NBEAL1: variants seen among roughly 807,000 people sequenced by gnomAD.
NBEAL1 encodes neurobeachin-like protein 1.
Under a neutral mutation model 351.3 loss-of-function variants are expected in NBEAL1, and 273 were observed. The ratio of observed to expected loss-of-function variants is 0.78; its 90% CI spans 0.70 to 0.86. NBEAL1 has a LOEUF of 0.86. Among genes scored for constraint, NBEAL1 ranks in the 40% least tolerant of loss-of-function variants. The pLI, the probability that NBEAL1 is intolerant of heterozygous loss-of-function variation, is 0.00. For synonymous variants in NBEAL1, 1,050 were observed against 1,086.4 expected (o/e 0.97, Z 0.66); for missense variants, 2,961 against 3,201.3 (o/e 0.92, Z 1.81).
chr2:203,113,049 A>G lies in NBEAL1; in HGVS notation c.2237A>G (p.Gln746Arg). 1 of 1,522,814 alleles carries G rather than the reference A, an allele frequency of 6.6e-7. No individual in the cohort carries two copies. 94.3% of individuals were successfully genotyped at this position (1,522,814 alleles called of 1,614,324 possible). Reference protein sequence around the residue: ...FTSCCIGSAGQRTTTPPPSQI... With the variant: ...FTSCCIGSAGRRTTTPPPSQI... ...TCCTGTTGCATTGGTTCAGCTGGGC[A>G]AAGAACCACCACTCCTCCACCATCC... The change falls in exon 17 of 56, where the codon CAA (glutamine) becomes CGA (arginine). Residue 746 changes from glutamine to arginine, a missense_variant. Physicochemically the swap from Gln to Arg is conservative, Grantham distance 43 (BLOSUM62 1). Transcript: ENST00000683969.
chr2:203,144,869 T>C lies in NBEAL1; in HGVS notation c.5118T>C (p.Cys1706=), dbSNP rs767061659. ...SSFFEDFQEY[C]NSNEWQVYIE... is the part of the protein sequence containing the mutation. ...TTTTTGAAGATTTTCAAGAATATTG[T>C]AATTCAAATGAATGGCAAGTTTACA... The change falls in exon 32 of 56, where the codon TGT becomes TGC. Residue 1706 remains cysteine (C), a synonymous_variant. Transcript: ENST00000683969. 14 of 1,604,452 alleles carry C rather than the reference T, an allele frequency of 8.7e-6. No homozygotes were observed. The highest frequency in any genetic ancestry group is 1.3e-5 in the African/African-American group (1 of 74,448).
intron 6 of NBEAL1, among the ~76,000 whole-genome samples, chr2:203,059,740 C>T (rs1006054271): frequency 1.3e-5 from 2 of 152,134 alleles, no homozygotes; most frequent in African/African-American, 2.4e-5. Context: ...AAGAGGGAGC[C>T]GGATGTGATG....
intron 2 of NBEAL1, among the ~76,000 whole-genome samples, chr2:203,026,504 A>T (rs1574861748): frequency 6.7e-6 from 1 of 149,956 alleles, no homozygotes; most frequent in Non-Finnish European, 1.5e-5. Context: ...TTGCCATTTT[A>T]AATTTTTTTT....
At chr2:203,108,796 C>T (rs2062497556) in intron 14 of NBEAL1, among the ~76,000 whole-genome samples, 2 of 152,140 alleles carry the variant, frequency 1.3e-5, no homozygotes. Context: ...CTTGTAATCC[C>T]ACCACTTTAG....
intron 1 of NBEAL1, 87 bp downstream of exon 1, chr2:203,015,069 G>A (rs2060653918): frequency 6.5e-6 from 1 of 152,844 alleles, no homozygotes; most frequent in Admixed American, 6.5e-5. Flanking sequence ...GTGGTGGAGG[G>A]GCTGCAGAGT....
Position 203,151,582 on chromosome 2 carries a change from T to G in NBEAL1, c.5580T>G (p.Asp1860Glu), listed in dbSNP as rs201891714. ...ATGAGGAAGCTAGTGCCTTGAGAGA[T>G]AATCTGGGTGAGTTCCAATGACTGT... ...KTHEEASALR[D>E]NLGIQHSQPS... Residue 1860 changes from aspartate (D) to glutamate (E), a missense_variant, in exon 35 of 56, where the codon GAT (aspartate) becomes GAG (glutamate). Transcript: ENST00000683969. 7 of 1,601,710 alleles carry G rather than the reference T, an allele frequency of 4.4e-6. No individual in the cohort carries two copies. Among genetic ancestry groups the G allele is most frequent in the Admixed American group, 3.5e-5 (2 of 56,766 alleles).
intron 6 of NBEAL1, among the ~76,000 whole-genome samples, chr2:203,059,788 GTGGGAGGACTGATTGAGCCCAATAGT>G (rs565636613): frequency 3.3e-5 from 5 of 152,224 alleles, no homozygotes; most frequent in Non-Finnish European, 7.3e-5. Flanking sequence ...GGATGCCGAG[GTGGGAGGACTGATTGAGCCCAATAGT>G]TCAAGGCTTC....
At position 203,220,912 on chromosome 2, in the gene NBEAL1, C is replaced by T. The variant is rs12693982; in HGVS notation, c.*3558C>T. Reference sequence around the variant, plus strand: ...TTGTTTAGGTCACAGTGCAGTGCATCCTTTTGTAGAAGAAAAAATACCAAG... The same window carrying T: ...TTGTTTAGGTCACAGTGCAGTGCATTCTTTTGTAGAAGAAAAAATACCAAG... On this transcript the variant is annotated 3_prime_UTR_variant, in exon 56 of 56. Coordinates refer to ENST00000683969, the MANE Select transcript of NBEAL1 (RefSeq NM_001378026.1). 0.39 allele frequency among the ~76,000 whole-genome samples: 58,970 copies of T among 151,946 alleles called. 12,068 individuals are homozygous for T. Among genetic ancestry groups the T allele is most frequent in the East Asian group, 0.62 (3,221 of 5,168 alleles).
rs955742323 is a variant in NBEAL1 at position 203,107,485 on chromosome 2, A to G, written c.1335A>G (p.Pro445=). The part of the protein sequence containing the change: ...MLEVLKSLGQ[P]PLELLKELMN... ...AAGTATTAAAATCCCTGGGTCAGCC[A>G]CCACTGGAATTACTTAAAGAACTTA... Residue 445 remains proline, a synonymous_variant, in exon 13 of 56, where the codon CCA becomes CCG. Transcript: ENST00000683969. 6.4e-7 allele frequency: 1 copy of G among 1,551,430 alleles called. No individual in the cohort carries two copies.
intron 3 of NBEAL1, among the ~76,000 whole-genome samples, chr2:203,047,680 A>G (rs953681874): frequency 3.3e-5 from 5 of 151,758 alleles, no homozygotes; most frequent in African/African-American, 1.2e-4. Flanking sequence ...TGGTGTAAAA[A>G]TCTCTTTGAA....
In NBEAL1 at chr2:203,168,011, C is replaced by G. The variant is rs148160767; in HGVS notation, c.5997+651C>G. On this transcript the variant is annotated intron_variant, in intron 38 of 55. Transcript: ENST00000683969. ...TTCAGAAGACTCACATTAGCACACA[C>G]AATAACTAATTTTCCATTCTTCTGT... 2.3e-3 allele frequency among the ~76,000 whole-genome samples: 352 copies of G among 152,332 alleles called. 1 individual carries two copies. The highest frequency in any genetic ancestry group is 7.9e-3 in the African/African-American group (327 of 41,576).
chr2:203,079,377 T>C (rs549500835), intron 8 of NBEAL1, among the ~76,000 whole-genome samples: 14 of 152,216 alleles, frequency 9.2e-5, no homozygotes, highest in Non-Finnish European at 1.5e-4. Flanking sequence ...TCACTGTGCC[T>C]AGCCAACAAA....
intron 12 of NBEAL1, among the ~76,000 whole-genome samples, chr2:203,102,737 A>C (rs759900380): frequency 9.9e-5 from 15 of 152,168 alleles, no homozygotes; most frequent in Non-Finnish European, 1.9e-4. Context: ...TTTTGCATCT[A>C]TGTTTATCAA....
intron 15 of NBEAL1, 60 bp from the exon 16 acceptor site, chr2:203,111,919 T>G: frequency 6.7e-7 from 1 of 1,503,328 alleles, no homozygotes; most frequent in East Asian, 2.5e-5. Context: ...TCTGAAAGCA[T>G]TTGTCATTCC....
At chr2:203,202,655 C>A in intron 50 of NBEAL1, 32 bp from the exon 51 acceptor site, 1 of 1,211,844 alleles carries the variant, frequency 8.3e-7, no homozygotes, top group Non-Finnish European at 1.2e-6. Flanking sequence ...CAAAACGAGG[C>A]ATCTCATTTT....
chr2:203,164,206 T>C (rs1052603332), intron 36 of NBEAL1, among the ~76,000 whole-genome samples: 1 of 151,890 alleles, frequency 6.6e-6, no homozygotes, highest in African/African-American at 2.4e-5. Context: ...AAAAAAAGAT[T>C]GCACCACTGC....
In NBEAL1 at chr2:203,125,460, C is replaced by T. The variant is rs750696586; in HGVS notation, c.2791C>T (p.Pro931Ser). 1.9e-6 allele frequency: 3 copies of T among 1,546,130 alleles called. No homozygotes were observed. The South Asian group carries it at 3.6e-5, about 19-fold the overall frequency. Residue 931 changes from proline (P) to serine (S), a missense_variant, in exon 20 of 56, where the codon CCT (proline) becomes TCT (serine). Transcript: ENST00000683969. ...IPEEKNESTV[P>S]ESVTPVEGDW... The stretch of plus-strand genomic sequence containing the variant: ...TGAAGAAAAGAATGAAAGCACAGTT[C>T]CTGAATCAGTAACACCTGTTGAAGG...
At chr2:203,017,665 G>A (rs552021687) in intron 2 of NBEAL1, among the ~76,000 whole-genome samples, 2 of 152,000 alleles carry the variant, frequency 1.3e-5, no homozygotes, top group South Asian at 4.1e-4. Flanking sequence ...AAACTTACTA[G>A]GTTTTACTGT....
chr2:203,196,381 G>C (rs561235650), intron 47 of NBEAL1, among the ~76,000 whole-genome samples: 6 of 152,086 alleles, frequency 3.9e-5, no homozygotes, highest in Non-Finnish European at 5.9e-5. Context: ...CCTCGTAAGA[G>C]GTATTTCCCC....
Sources: allele counts gnomAD v4.1 joint callset (sites outside exome capture counted in the v4.1 genomes callset), GRCh38; gene constraint gnomAD v4.1.1; transcripts MANE v1.5; gene names NCBI Gene and HGNC (gene_info 2026-07-23, HGNC 2026-07-21).